The following KIF26B variants were observed in gnomAD, a reference collection of about 807,000 sequenced individuals.
KIF26B encodes kinesin family member 26B.
In KIF26B, 63 loss-of-function variants were observed where a neutral mutation model predicts 151.2. The observed-to-expected ratio is 0.42, with a 90% CI of 0.34 to 0.51. KIF26B has a LOEUF of 0.51. Ranked by LOEUF, KIF26B falls within the 20% of genes least tolerant of loss-of-function variation. The pLI is 0.07. For missense variants in KIF26B, 2,813 were observed against 2,913.6 expected (o/e 0.97, Z 0.79); for synonymous variants, 1,357 against 1,262.1 (o/e 1.08, Z -1.59).
Position 245,688,039 on chromosome 1 carries a change from G to A in KIF26B, c.5056G>A (p.Glu1686Lys), listed in dbSNP as rs1422989409. 21 of 1,556,114 alleles carry A rather than the reference G, an allele frequency of 1.3e-5. No individual in the cohort carries two copies. Among genetic ancestry groups the A allele is most frequent in the South Asian group, 1.1e-4 (9 of 84,556 alleles). Reference protein sequence around the residue: ...HYECLSLERAESLSSVSSRLH... With the variant: ...HYECLSLERAKSLSSVSSRLH... ...CGAATGCCTCTCCCTGGAGCGGGCC[G>A]AGAGCCTGTCCTCCGTGAGCTCCCG... Residue 1686 changes from glutamate (E) to lysine (K), a missense_variant, in exon 12 of 15, where the codon GAG (glutamate) becomes AAG (lysine). Glu to Lys is a moderately conservative substitution (Grantham distance 56). Around this residue, in one of 3 missense-constraint regions of KIF26B, gnomAD observed 2,060 missense variants for 2,088.6 expected, o/e 0.99. Coordinates refer to ENST00000407071, the MANE Select transcript of KIF26B (RefSeq NM_018012.4).
chr1:245,392,094 T>C (rs1673714899), intron 3 of KIF26B, among the ~76,000 whole-genome samples: 1 of 150,222 alleles, frequency 6.7e-6, no homozygotes, highest in South Asian at 2.1e-4. Flanking sequence ...AATTGAACCA[T>C]GAAGGAAGAG....
At chr1:245,595,669 G>C (rs1185554212) in intron 5 of KIF26B, among the ~76,000 whole-genome samples, 1 of 152,160 alleles carries the variant, frequency 6.6e-6, no homozygotes, top group South Asian at 2.1e-4. Flanking sequence ...GATGATTCTG[G>C]CCTCATAAAA....
chr1:245,574,863 T>C (rs1410552708), intron 5 of KIF26B, among the ~76,000 whole-genome samples: 1 of 143,662 alleles, frequency 7.0e-6, no homozygotes, highest in African/African-American at 2.6e-5. Flanking sequence ...CTTTTTTTTT[T>C]CTTTTTTTTT....
chr1:245,469,987 C>A (rs568309497), intron 4 of KIF26B, among the ~76,000 whole-genome samples: 7 of 151,224 alleles, frequency 4.6e-5, no homozygotes, highest in Non-Finnish European at 8.8e-5. Flanking sequence ...CACAGTAGAT[C>A]AGAGTTGGTT....
intron 2 of KIF26B, among the ~76,000 whole-genome samples, chr1:245,359,023 T>TC (rs1334465833): frequency 1.4e-5 from 2 of 144,288 alleles, no homozygotes; most frequent in East Asian, 2.1e-4. Context: ...TTTCTCTCTC[T>TC]TTTTTTTTTT....
chr1:245,341,812 C>T (rs1268401133), intron 2 of KIF26B, among the ~76,000 whole-genome samples: 1 of 152,156 alleles, frequency 6.6e-6, no homozygotes, highest in East Asian at 1.9e-4. Context: ...CAGGGAGGGT[C>T]ACCAGTTGGG....
At chr1:245,503,379 A>G (rs962741321) in intron 4 of KIF26B, among the ~76,000 whole-genome samples, 1 of 152,222 alleles carries the variant, frequency 6.6e-6, no homozygotes, top group East Asian at 1.9e-4. Flanking sequence ...TATATACCAC[A>G]TGCCAAATGA....
chr1:245,356,544 G>A (rs900628125), intron 2 of KIF26B, among the ~76,000 whole-genome samples: 1 of 151,926 alleles, frequency 6.6e-6, no homozygotes, highest in Non-Finnish European at 1.5e-5. Flanking sequence ...GTGAGAGAGT[G>A]AGACTCTGTC....
rs11407193 is a variant in KIF26B at position 245,400,488 on chromosome 1, G to GTTT, written c.1000-19075_1000-19073dup. Among the ~76,000 whole-genome samples, 17 of 123,816 alleles carry GTTT rather than the reference G, an allele frequency of 1.4e-4. 1 individual carries two copies. Among genetic ancestry groups the GTTT allele is most frequent in the Non-Finnish European group, 1.7e-4 (11 of 62,924 alleles). The allele number at this position is 123,816 out of a possible 152,430, so 81.2% of individuals were successfully genotyped here. On this transcript the variant is annotated intron_variant, in intron 3 of 14. Coordinates refer to ENST00000407071, the MANE Select transcript of KIF26B (RefSeq NM_018012.4). ...CATAAAACAATCACATAGATAGTGA[G>GTTT]TTTTTTTTTTTTTTTTTTGAAATTA...
At chr1:245,250,837 G>A (rs538997643) in intron 2 of KIF26B, among the ~76,000 whole-genome samples, 15 of 152,142 alleles carry the variant, frequency 9.9e-5, no homozygotes, top group South Asian at 2.1e-4. Context: ...TTTTGTTATC[G>A]TATTGGGGGT....
chr1:245,490,287 A>G (rs919754946), intron 4 of KIF26B, among the ~76,000 whole-genome samples: 9 of 150,462 alleles, frequency 6.0e-5, no homozygotes, highest in Admixed American at 5.3e-4. Context: ...ACCCAATACC[A>G]ACCAAGCTTC....
chr1:245,208,301 C>T (rs1380182083), intron 2 of KIF26B, among the ~76,000 whole-genome samples: 2 of 152,246 alleles, frequency 1.3e-5, no homozygotes, highest in Non-Finnish European at 2.9e-5. Flanking sequence ...TCCCACTTAA[C>T]AGCCAATTCA....
intron 2 of KIF26B, among the ~76,000 whole-genome samples, chr1:245,259,649 T>C (rs1039814734): frequency 2.0e-5 from 3 of 151,990 alleles, no homozygotes; most frequent in Non-Finnish European, 4.4e-5. Context: ...AGGGTGAGCT[T>C]GGCCAGGCAG....
In KIF26B at chr1:245,212,188, G is replaced by A. The variant is rs150295302; in HGVS notation, c.465+55505G>A. On this transcript the variant is annotated intron_variant, in intron 2 of 14. Transcript: ENST00000407071. ...TGGTAATTTTACGGTTGGGGTCTCC[G>A]TCTTAGAAGCAATTTCCCATAATTC... is the stretch of plus-strand genomic sequence containing the variant. 2.9e-3 allele frequency among the ~76,000 whole-genome samples: 448 copies of A among 152,272 alleles called. 2 individuals are homozygous for A. The highest frequency in any genetic ancestry group is 6.5e-3 in the Admixed American group (100 of 15,290).
At chr1:245,381,446 C>G (rs151328750) in intron 3 of KIF26B, among the ~76,000 whole-genome samples, 1 of 152,152 alleles carries the variant, frequency 6.6e-6, no homozygotes, top group Non-Finnish European at 1.5e-5. Flanking sequence ...CAGCCCAACA[C>G]GAGTTCGTAA....
At chr1:245,389,468 C>T (rs1673633554) in intron 3 of KIF26B, among the ~76,000 whole-genome samples, 1 of 151,650 alleles carries the variant, frequency 6.6e-6, no homozygotes, top group South Asian at 2.1e-4. Flanking sequence ...TGCAAGTATA[C>T]AGTCTTCCTG....
intron 3 of KIF26B, among the ~76,000 whole-genome samples, chr1:245,416,148 C>T (rs1410545955): frequency 2.0e-5 from 3 of 149,390 alleles, no homozygotes; most frequent in African/African-American, 7.4e-5. Flanking sequence ...GGCACAGGGG[C>T]GCATGCCTGT....
intron 1 of KIF26B, 22 bp from the exon 2 acceptor site, chr1:245,156,260 C>A: frequency 6.5e-7 from 1 of 1,542,708 alleles, no homozygotes; most frequent in Non-Finnish European, 8.7e-7. Flanking sequence ...CAGCCCCTGA[C>A]ACCGGCGTGT....
chr1:245,444,679 A>G (rs778603625), intron 4 of KIF26B, among the ~76,000 whole-genome samples: 1 of 152,204 alleles, frequency 6.6e-6, no homozygotes, highest in Non-Finnish European at 1.5e-5. Flanking sequence ...GTTGTTTGAT[A>G]TAATAGGACA....
Sources: gnomAD v4.1 joint callset for allele counts (sites outside exome capture counted in the v4.1 genomes callset) on GRCh38, gnomAD v4.1.1 for gene constraint, gnomAD v4.1.1 regional missense constraint, MANE v1.5 for transcripts, NCBI Gene and HGNC (gene_info 2026-07-23, HGNC 2026-07-21) for gene names.